The following PSMF1 variants were observed in gnomAD, a reference collection of about 807,000 sequenced individuals.
PSMF1 encodes proteasome inhibitor PI31 subunit.
In PSMF1, 30 loss-of-function variants were observed where a neutral mutation model predicts 29.3. The observed-to-expected ratio is 1.02, with a 90% CI of 0.77 to 1.39. The LOEUF (loss-of-function observed/expected upper bound fraction) is 1.39, where lower values mean the gene tolerates loss of function less well. PSMF1 is among the 40% of genes most tolerant of loss of function. The pLI is 0.00. For missense variants in PSMF1, 344 were observed against 357.5 expected, an observed-to-expected ratio of 0.96 and a Z score of 0.31; for synonymous variants, 134 against 139.7, an observed-to-expected ratio of 0.96 and a Z score of 0.29.
chr20:1,120,026 A>G (rs3787573), intron 1 of PSMF1, among the ~76,000 whole-genome samples: 17,931 of 152,036 alleles, frequency 0.12, 1,183 homozygotes, highest in African/African-American at 0.16. Context: ...ACCTCTCTTC[A>G]AACTTGCTTT....
At chr20:1,116,378 G>C (rs2086012152), upstream of PSMF1, among the ~76,000 whole-genome samples, 1 of 152,214 alleles carries the variant, frequency 6.6e-6, no homozygotes, top group South Asian at 2.1e-4. Context: ...ACTAGCTTTA[G>C]TGTCATCCAG....
chr20:1,164,597 A>C lies in PSMF1; in HGVS notation c.764+121A>C. ...GCCGCTGCCTTCACCTGTTGCTGCC[A>C]GGAGAGTGGAGCCTCCTCCAGGGCC... is the stretch of plus-strand genomic sequence containing the variant. On this transcript the variant is annotated intron_variant, in intron 6 of 6. Transcript: ENST00000335877. This position sits in a 1 kb window ranked among gnomAD's most constrained non-coding sequence, Gnocchi z 4.1. The C allele has an allele frequency of 1.5e-6, 2 of 1,344,636 alleles. No individual in the cohort carries two copies. Among genetic ancestry groups the C allele is most frequent in the Non-Finnish European group, 2.0e-6 (2 of 976,934 alleles). The allele number at this position is 1,344,636 out of a possible 1,614,324, so 83.3% of individuals were successfully genotyped here. A position where few individuals can be genotyped will look rare whatever the true frequency, so the allele number is the denominator to read the frequency against.
rs114332593 is a variant in PSMF1, at chr20:1,164,356, C to A, written c.644C>A (p.Ser215Tyr). 9 of 1,613,978 alleles carry A rather than the reference C, an allele frequency of 5.6e-6. No individual in the cohort carries two copies. In the African/African-American group the frequency reaches 8.0e-5, roughly 14 times the overall value. Residue 215 changes from serine to tyrosine, a missense_variant, in exon 6 of 7, where the codon TCT (serine) becomes TAT (tyrosine). Physicochemically the swap from Ser to Tyr is moderately radical, Grantham distance 144. Transcript: ENST00000335877. The surrounding 1 kb of genome is among the most constrained non-coding windows in gnomAD (Gnocchi z 4.1). ...RGGMIVDPLR[S>Y]GFPRALIDPS... ...GGCATGATTGTGGATCCCCTGAGAT[C>A]TGGCTTCCCAAGAGCACTTATTGAC...
intron 4 of PSMF1, among the ~76,000 whole-genome samples, 184 bp downstream of exon 4, chr20:1,135,490 A>G (rs1312978138): frequency 6.6e-6 from 1 of 152,214 alleles, no homozygotes; most frequent in Non-Finnish European, 1.5e-5. Flanking sequence ...TTGAACTGCT[A>G]CTAGTCACCC....
In PSMF1 at chr20:1,167,067, G is replaced by A. The variant is rs936868946; in HGVS notation, c.*1987G>A. On this transcript the variant is annotated 3_prime_UTR_variant, in exon 7 of 7. Coordinates refer to ENST00000335877, the MANE Select transcript of PSMF1 (RefSeq NM_006814.5). ...AAAATTGTGATTCACCTTCAGAATT[G>A]GCCATTTTTTTTGTGAGTTTCCTTG... 7.9e-5 allele frequency: 12 copies of A among 152,184 alleles called. No individual in the cohort carries two copies. The highest frequency in any genetic ancestry group is 4.4e-5 in the Non-Finnish European group (3 of 68,004). 9.4% of individuals were successfully genotyped at this position (152,184 alleles called of 1,614,324 possible). A position where few individuals can be genotyped will look rare whatever the true frequency, so the allele number is the denominator to read the frequency against.
chr20:1,149,178 A>G (rs2086493979), intron 4 of PSMF1, among the ~76,000 whole-genome samples: 1 of 152,244 alleles, frequency 6.6e-6, no homozygotes, highest in Non-Finnish European at 1.5e-5. Context: ...GTTGGAAAAA[A>G]AGAGGACTAG....
chr20:1,118,221 C>T (rs1026433781), upstream of PSMF1, among the ~76,000 whole-genome samples: 10 of 152,210 alleles, frequency 6.6e-5, no homozygotes, highest in African/African-American at 1.9e-4. Flanking sequence ...GCACATTAAT[C>T]GTTAATATCA....
chr20:1,126,879 A>G (rs779933021), intron 2 of PSMF1, among the ~76,000 whole-genome samples: 3 of 152,126 alleles, frequency 2.0e-5, no homozygotes, highest in Non-Finnish European at 4.4e-5. Flanking sequence ...CCTCTGTCTC[A>G]AAACAAAACA....
chr20:1,121,701 G>A (rs2086089918), intron 1 of PSMF1, among the ~76,000 whole-genome samples: 1 of 152,186 alleles, frequency 6.6e-6, no homozygotes, highest in African/African-American at 2.4e-5. Context: ...CAGTTAAATG[G>A]AAAGCTAGAT....
At chr20:1,117,507 C>G (rs1236109866), upstream of PSMF1, among the ~76,000 whole-genome samples, 6 of 152,228 alleles carry the variant, frequency 3.9e-5, no homozygotes, top group East Asian at 1.2e-3. Flanking sequence ...CCACACCCAG[C>G]TAATTTTTGT....
At chr20:1,144,387 G>A (rs187984115) in intron 4 of PSMF1, among the ~76,000 whole-genome samples, 3 of 152,276 alleles carry the variant, frequency 2.0e-5, no homozygotes, top group Non-Finnish European at 2.9e-5. Context: ...AAAACTAAAC[G>A]TGTACATAAT....
chr20:1,166,167 G>C lies in PSMF1; in HGVS notation c.*1087G>C. The C allele has an allele frequency of 6.2e-7, 1 of 1,601,968 alleles. No homozygotes were observed. The highest frequency in any genetic ancestry group is 8.5e-7 in the Non-Finnish European group (1 of 1,174,846). ...GGTGTTGAACTTCGGGAGGAGCAGG[G>C]AGCCCTGCACCTTGTGTCCTGGCCC... On this transcript the variant is annotated 3_prime_UTR_variant, in exon 7 of 7. Transcript: ENST00000335877.
At chr20:1,123,960 C>T (rs973199469) in intron 1 of PSMF1, among the ~76,000 whole-genome samples, 6 of 152,250 alleles carry the variant, frequency 3.9e-5, no homozygotes, top group Non-Finnish European at 8.8e-5. Flanking sequence ...TCTTTAGACA[C>T]TATTAGCCGC....
At position 1,166,102 on chromosome 20, in the gene PSMF1, G is replaced by T. The variant is rs1481875967; in HGVS notation, c.*1022G>T. ...CTCTGTGGTTTTTGGACCCCATGGG[G>T]CCCAGACAGAGCACAGGAGCATGGG... is the stretch of plus-strand genomic sequence containing the variant. On this transcript the variant is annotated 3_prime_UTR_variant, in exon 7 of 7. Coordinates refer to ENST00000335877, the MANE Select transcript of PSMF1 (RefSeq NM_006814.5). 2.4e-5 allele frequency: 37 copies of T among 1,543,812 alleles called. No homozygotes were observed. In the South Asian group the frequency reaches 4.2e-4, roughly 18 times the overall value.
rs140430362 is a variant in PSMF1, at chr20:1,146,915, G to A, written c.551+11609G>A. On this transcript the variant is annotated intron_variant, in intron 4 of 6. Transcript: ENST00000335877. The stretch of plus-strand genomic sequence containing the variant: ...GGTCACTGGAAAAAAATATTCAGTG[G>A]ATGCCCATTCAGGTAGCTGGCAAAG... Among the ~76,000 whole-genome samples the A allele has an allele frequency of 4.9e-3, 744 of 152,312 alleles. 2 individuals are homozygous for A. The highest frequency in any genetic ancestry group is 0.02 in the Middle Eastern group (6 of 294).
upstream of PSMF1, among the ~76,000 whole-genome samples, chr20:1,115,835 C>T (rs190659946): frequency 7.0e-4 from 106 of 151,408 alleles, 1 homozygote; most frequent in East Asian, 0.013. Flanking sequence ...CGGGTTCAAG[C>T]GATTCTCCTG....
intron 3 of PSMF1, among the ~76,000 whole-genome samples, chr20:1,129,871 C>T (rs2086206378): frequency 6.6e-6 from 1 of 152,144 alleles, no homozygotes; most frequent in African/African-American, 2.4e-5. Flanking sequence ...ATTTGTACAC[C>T]CATGTTCGTA....
intron 4 of PSMF1, among the ~76,000 whole-genome samples, chr20:1,155,559 G>A (rs1402458049): frequency 1.3e-5 from 2 of 152,188 alleles, no homozygotes; most frequent in African/African-American, 4.8e-5. Context: ...AAAGTACTGC[G>A]TGGACCACAG....
intron 3 of PSMF1, among the ~76,000 whole-genome samples, chr20:1,133,095 A>G (rs2086252391): frequency 1.3e-5 from 2 of 150,240 alleles, no homozygotes; most frequent in South Asian, 2.1e-4. Flanking sequence ...GCCTTATTGC[A>G]GTGGTCAGGA....
Sources: allele counts gnomAD v4.1 joint callset (sites outside exome capture counted in the v4.1 genomes callset), GRCh38; gene constraint gnomAD v4.1.1; non-coding constraint Gnocchi (gnomAD v3.1); transcripts MANE v1.5; gene names NCBI Gene and HGNC (gene_info 2026-07-23, HGNC 2026-07-21).